The following CARMIL1 variants were observed in gnomAD, a reference collection of about 807,000 sequenced individuals.
CARMIL1 encodes capping protein regulator and myosin 1 linker 1, also known as F-actin-uncapping protein LRRC16A.
A neutral mutation model predicts 177.1 loss-of-function variants in CARMIL1; 90 were observed. That is an observed-to-expected ratio of 0.51 (90% CI 0.43 to 0.61). The LOEUF is 0.61. Ranked by LOEUF, CARMIL1 falls within the 20% of genes least tolerant of loss-of-function variation. The pLI, the probability that CARMIL1 is intolerant of heterozygous loss-of-function variation, is 0.00. For synonymous variants in CARMIL1, 577 were observed against 606.2 expected (o/e 0.95, Z 0.71); for missense variants, 1,380 against 1,667.0 (o/e 0.83, Z 3.00).
chr6:25,485,273 C>T (rs1016188021), intron 12 of CARMIL1, among the ~76,000 whole-genome samples: 1 of 152,180 alleles, frequency 6.6e-6, no homozygotes, highest in Non-Finnish European at 1.5e-5. Context: ...CACCTCCTTA[C>T]GATGAGGACA....
rs534662463 is a variant in CARMIL1 at position 25,306,489 on chromosome 6, A to G, written c.138+21580A>G. ...GGTGGAACTTTTTCATCCTGAAACC[A>G]TCTCTCCTCCCCCCCACTTTTATTG... is the stretch of plus-strand genomic sequence containing the variant. On this transcript the variant is annotated intron_variant, in intron 2 of 36. Coordinates refer to ENST00000329474, the MANE Select transcript of CARMIL1 (RefSeq NM_017640.6). Among the ~76,000 whole-genome samples, 46 of 152,148 alleles carry G rather than the reference A, an allele frequency of 3.0e-4. No homozygotes were observed. In the South Asian group the frequency reaches 8.1e-3, roughly 27 times the overall value.
chr6:25,530,172 C>T (rs953829484), intron 24 of CARMIL1, among the ~76,000 whole-genome samples: 1 of 151,194 alleles, frequency 6.6e-6, no homozygotes, highest in Admixed American at 6.6e-5. Flanking sequence ...TTGGTGGAAT[C>T]TCAGAACACC....
intron 27 of CARMIL1, among the ~76,000 whole-genome samples, chr6:25,551,532 T>C (rs575191217): frequency 3.3e-5 from 5 of 152,312 alleles, no homozygotes; most frequent in Admixed American, 3.3e-4. Flanking sequence ...TTTTGGTGGG[T>C]CTGTAATACT....
intron 2 of CARMIL1, among the ~76,000 whole-genome samples, chr6:25,392,026 TTGTGTGTATGCATGTG>T (rs1792866830): frequency 6.6e-6 from 1 of 151,118 alleles, no homozygotes; most frequent in Non-Finnish European, 1.5e-5. Context: ...GGCTGTTTTT[TTGTGTGTATGCATGTG>T]TGTGTATATG....
chr6:25,365,960 C>T (rs139765335), intron 2 of CARMIL1, among the ~76,000 whole-genome samples: 47 of 149,970 alleles, frequency 3.1e-4, no homozygotes, highest in African/African-American at 9.6e-4. Context: ...ATCATTGAAC[C>T]GCCTAGACAT....
chr6:25,466,028 T>G (rs1800568221), intron 9 of CARMIL1, 80 bp downstream of exon 9: 2 of 950,416 alleles, frequency 2.1e-6, no homozygotes, highest in South Asian at 2.7e-5. Flanking sequence ...AAAAAACAAT[T>G]TTTTTACTGT....
intron 21 of CARMIL1, among the ~76,000 whole-genome samples, chr6:25,516,653 A>G (rs1015295675): frequency 4.6e-5 from 7 of 152,224 alleles, no homozygotes; most frequent in Non-Finnish European, 7.3e-5. Flanking sequence ...CAGACAAATA[A>G]AAGCTATTTT....
chr6:25,549,946 A>G (rs1421427826), intron 26 of CARMIL1, among the ~76,000 whole-genome samples: 3 of 152,228 alleles, frequency 2.0e-5, no homozygotes, highest in Non-Finnish European at 4.4e-5. Flanking sequence ...ATGTAATATT[A>G]TTTATTCTCA....
chr6:25,520,469 T>G, intron 23 of CARMIL1, 132 bp downstream of exon 23: 1 of 588,118 alleles, frequency 1.7e-6, no homozygotes, highest in South Asian at 2.7e-5. Context: ...CACATTGTCT[T>G]ATGTTCTTAT....
intron 2 of CARMIL1, among the ~76,000 whole-genome samples, chr6:25,314,628 T>G: frequency 7.2e-6 from 1 of 139,744 alleles, no homozygotes; most frequent in Non-Finnish European, 1.5e-5. Flanking sequence ...GCCCTCCTTA[T>G]CAGTATGTCA....
rs531640127 is a variant in CARMIL1, at chr6:25,589,892, T to C, written c.3007-4523T>C. On this transcript the variant is annotated intron_variant, in intron 31 of 36. Coordinates refer to ENST00000329474, the MANE Select transcript of CARMIL1 (RefSeq NM_017640.6). ...TCCAGGTGACTGGTATTGATCTTAT[T>C]CTCAGGCAAGGTCTATAATCTGTTT... Among the ~76,000 whole-genome samples the C allele has an allele frequency of 3.9e-5, 6 of 152,358 alleles. No homozygotes were observed. The East Asian group carries it at 7.7e-4, about 20-fold the overall frequency.
At chr6:25,543,691 G>A (rs1809135826) in intron 26 of CARMIL1, among the ~76,000 whole-genome samples, 1 of 152,102 alleles carries the variant, frequency 6.6e-6, no homozygotes. Context: ...GGCCTGAGGG[G>A]TTTAGGTGGC....
intron 2 of CARMIL1, among the ~76,000 whole-genome samples, chr6:25,286,992 G>C (rs980158049): frequency 2.2e-4 from 33 of 152,314 alleles, no homozygotes; most frequent in African/African-American, 7.5e-4. Context: ...GCAGTTTCTA[G>C]AAGCATGGCC....
chr6:25,343,025 C>G (rs1787105192), intron 2 of CARMIL1, among the ~76,000 whole-genome samples: 1 of 152,176 alleles, frequency 6.6e-6, no homozygotes, highest in South Asian at 2.1e-4. Flanking sequence ...AGCGCTCCAG[C>G]CTAAGCATTG....
At chr6:25,576,149 C>T (rs3804123) in intron 29 of CARMIL1, among the ~76,000 whole-genome samples, 54,842 of 151,774 alleles carry the variant, frequency 0.36, 10,014 homozygotes, top group East Asian at 0.46. Flanking sequence ...GAATAATTAT[C>T]ATTCATTCAG....
chr6:25,428,625 T>G (rs561979120), intron 4 of CARMIL1, among the ~76,000 whole-genome samples: 1 of 152,340 alleles, frequency 6.6e-6, no homozygotes, highest in South Asian at 2.1e-4. Context: ...AGAGCTGACA[T>G]CTTAGTAATG....
intron 29 of CARMIL1, among the ~76,000 whole-genome samples, chr6:25,560,272 C>A (rs1242317917): frequency 6.6e-6 from 1 of 152,002 alleles, no homozygotes; most frequent in Non-Finnish European, 1.5e-5. Flanking sequence ...GATAAATGAT[C>A]TTTTTCTTTT....
chr6:25,429,729 G>A (rs750126441), intron 4 of CARMIL1, among the ~76,000 whole-genome samples: 1 of 151,818 alleles, frequency 6.6e-6, no homozygotes, highest in East Asian at 1.9e-4. Context: ...TGAGATTATT[G>A]TGTGGTTTTC....
intron 31 of CARMIL1, among the ~76,000 whole-genome samples, chr6:25,584,026 C>CTTTT (rs71544648): frequency 5.9e-5 from 7 of 119,124 alleles, no homozygotes; most frequent in East Asian, 5.1e-4. Context: ...TTTTCTTTTT[C>CTTTT]TTTTTTTTTT....
Sources: allele counts gnomAD v4.1 joint callset (sites outside exome capture counted in the v4.1 genomes callset), GRCh38; gene constraint gnomAD v4.1.1; transcripts MANE v1.5; gene names NCBI Gene and HGNC (gene_info 2026-07-23, HGNC 2026-07-21).